The following PTGES3 variants were observed in gnomAD, a reference collection of about 807,000 sequenced individuals.
The protein encoded by PTGES3 is prostaglandin E synthase 3.
PTGES3 carries 5 observed loss-of-function variants against 29.9 expected under a neutral mutation model. The observed-to-expected ratio is 0.17, with a 90% CI of 0.09 to 0.35. The LOEUF is 0.35. PTGES3 is among the 10% of genes least tolerant of loss of function. The pLI is 1.00. For synonymous variants in PTGES3, 49 were observed against 57.8 expected, an observed-to-expected ratio of 0.85 and a Z score of 0.69; for missense variants, 128 against 190.0, an observed-to-expected ratio of 0.67 and a Z score of 1.92.
intron 1 of PTGES3, among the ~76,000 whole-genome samples, chr12:56,678,514 G>A (rs978097922): frequency 6.6e-6 from 1 of 152,196 alleles, no homozygotes; most frequent in African/African-American, 2.4e-5. Flanking sequence ...ATTGCACATA[G>A]TAAAACTATC....
At chr12:56,685,362 T>C (rs958332579) in intron 1 of PTGES3, among the ~76,000 whole-genome samples, 17 of 151,888 alleles carry the variant, frequency 1.1e-4, no homozygotes, top group Admixed American at 8.6e-4. Flanking sequence ...TCAAGTGGCA[T>C]TGAATCACTC....
rs1952973759 is a variant in PTGES3 at position 56,688,096 on chromosome 12, T to C, written c.-97A>G. ...ACTTCTCTCCGGTGGCGACTCCGCTTTTTCTCTCCGGTCGCGGCCTCTTCT... is the reference window on the plus strand; with the variant it reads ...ACTTCTCTCCGGTGGCGACTCCGCTCTTTCTCTCCGGTCGCGGCCTCTTCT... On this transcript the variant is annotated 5_prime_UTR_variant, in exon 1 of 8. Coordinates refer to ENST00000262033, the MANE Select transcript of PTGES3 (RefSeq NM_006601.7). The C allele has an allele frequency of 1.4e-6, 2 of 1,434,736 alleles. No homozygotes were observed. Among genetic ancestry groups the C allele is most frequent in the African/African-American group, 3.0e-5 (2 of 66,990 alleles). The allele number at this position is 1,434,736 out of a possible 1,614,324, so 88.9% of individuals were successfully genotyped here. A position where few individuals can be genotyped will look rare whatever the true frequency, so the allele number is the denominator to read the frequency against.
intron 1 of PTGES3, among the ~76,000 whole-genome samples, chr12:56,685,697 G>A (rs1442043679): frequency 6.6e-6 from 1 of 150,580 alleles, no homozygotes; most frequent in Non-Finnish European, 1.5e-5. Context: ...ACCCCGCCCG[G>A]CATGAAAGTA....
intron 5 of PTGES3, among the ~76,000 whole-genome samples, chr12:56,669,072 T>TGA (rs1951896767): frequency 1.4e-5 from 2 of 141,052 alleles, no homozygotes; most frequent in Admixed American, 8.1e-5. Context: ...TGCAGTGGTG[T>TGA]GATCTCGGCT....
At chr12:56,669,743 G>A (rs1187825055) in intron 5 of PTGES3, among the ~76,000 whole-genome samples, 1 of 151,980 alleles carries the variant, frequency 6.6e-6, no homozygotes, top group Non-Finnish European at 1.5e-5. Flanking sequence ...AGGAGTAGGT[G>A]GGACCACAGG....
At chr12:56,687,898 A>C in intron 1 of PTGES3, 100 bp downstream of exon 1, 1 of 1,594,534 alleles carries the variant, frequency 6.3e-7, no homozygotes, top group Non-Finnish European at 8.5e-7. Flanking sequence ...AACGACTGCC[A>C]CCACCGATGC....
chr12:56,674,410 G>A (rs1464524928), intron 1 of PTGES3, among the ~76,000 whole-genome samples: 2 of 152,162 alleles, frequency 1.3e-5, no homozygotes, highest in African/African-American at 2.4e-5. Flanking sequence ...AGCCTTAGCA[G>A]GCCAGGCGCG....
At chr12:56,667,844 A>G (rs1306822370) in intron 5 of PTGES3, among the ~76,000 whole-genome samples, 1 of 152,248 alleles carries the variant, frequency 6.6e-6, no homozygotes, top group Non-Finnish European at 1.5e-5. Flanking sequence ...CTGGTGACTC[A>G]TGCCTGTAAT....
chr12:56,683,977 A>G (rs569067521), intron 1 of PTGES3, among the ~76,000 whole-genome samples: 1 of 151,686 alleles, frequency 6.6e-6, no homozygotes, highest in Non-Finnish European at 1.5e-5. Context: ...AAAAACAAAA[A>G]AAACAAACAA....
chr12:56,669,029 A>G, intron 5 of PTGES3, among the ~76,000 whole-genome samples: 1 of 14,334 alleles, frequency 7.0e-5, no homozygotes, highest in Non-Finnish European at 1.3e-4. Context: ...TTTTTTTTGG[A>G]GACAGAGTCT....
chr12:56,688,119 T>C lies in PTGES3; in HGVS notation c.-120A>G. The C allele has an allele frequency of 7.1e-7, 1 of 1,415,084 alleles. No individual in the cohort carries two copies. Among genetic ancestry groups the C allele is most frequent in the South Asian group, 1.5e-5 (1 of 66,298 alleles). 87.7% of individuals were successfully genotyped at this position (1,415,084 alleles called of 1,614,324 possible). On this transcript the variant is annotated 5_prime_UTR_variant, in exon 1 of 8. Transcript: ENST00000262033. ...CTTTTTCTCTCCGGTCGCGGCCTCTTCTCGCTTCCCTCAGGCGACGGCGGC... is the reference window on the plus strand; with the variant it reads ...CTTTTTCTCTCCGGTCGCGGCCTCTCCTCGCTTCCCTCAGGCGACGGCGGC...
chr12:56,672,839 CCT>C (rs1952059668), intron 2 of PTGES3, 30 bp from the exon 3 acceptor site: 1 of 1,555,760 alleles, frequency 6.4e-7, no homozygotes, highest in African/African-American at 1.4e-5. Flanking sequence ...AAGAATTAAG[CCT>C]CTTCAAAGAG....
In PTGES3 at chr12:56,688,039, C is replaced by T; in HGVS notation, c.-40G>A. ...GGGGACGGGCGAACTGGTGGGCGGG[C>T]CTCTCTGGCGGCGGCTGCTGCTAGG... On this transcript the variant is annotated 5_prime_UTR_variant, in exon 1 of 8. Coordinates refer to ENST00000262033, the MANE Select transcript of PTGES3 (RefSeq NM_006601.7). 1 of 1,509,418 alleles carries T rather than the reference C, an allele frequency of 6.6e-7. No homozygotes were observed. The highest frequency in any genetic ancestry group is 8.9e-7 in the Non-Finnish European group (1 of 1,128,076). 93.5% of individuals were successfully genotyped at this position (1,509,418 alleles called of 1,614,324 possible). A position where few individuals can be genotyped will look rare whatever the true frequency, so the allele number is the denominator to read the frequency against.
intron 1 of PTGES3, among the ~76,000 whole-genome samples, chr12:56,680,828 G>C (rs1221522654): frequency 1.3e-5 from 2 of 151,078 alleles, no homozygotes; most frequent in African/African-American, 4.9e-5. Flanking sequence ...ATTCAGGCTG[G>C]AGTGCTGTGG....
chr12:56,679,776 G>A (rs143221279), intron 1 of PTGES3, among the ~76,000 whole-genome samples: 1 of 152,120 alleles, frequency 6.6e-6, no homozygotes, highest in Non-Finnish European at 1.5e-5. Flanking sequence ...CCAGGTTGAA[G>A]CAATTCTTCT....
intron 5 of PTGES3, among the ~76,000 whole-genome samples, chr12:56,666,816 G>A (rs754021909): frequency 1.8e-4 from 28 of 151,754 alleles, no homozygotes; most frequent in Non-Finnish European, 2.6e-4. Flanking sequence ...TGGTACACAC[G>A]GGGTTTCACC....
chr12:56,687,314 C>T (rs1244388293), intron 1 of PTGES3: 2 of 990,022 alleles, frequency 2.0e-6, no homozygotes, highest in Middle Eastern at 5.2e-4. Context: ...TGCGGAACTA[C>T]CTGCTCAATG....
At chr12:56,671,234 C>CA in intron 4 of PTGES3, among the ~76,000 whole-genome samples, 1 of 152,018 alleles carries the variant, frequency 6.6e-6, no homozygotes, top group Non-Finnish European at 1.5e-5. Flanking sequence ...CCCCTTTCTA[C>CA]AAAAAATACA....
At chr12:56,677,096 T>C (rs893259038) in intron 1 of PTGES3, among the ~76,000 whole-genome samples, 17 of 151,344 alleles carry the variant, frequency 1.1e-4, no homozygotes, top group African/African-American at 4.1e-4. Flanking sequence ...AAAAATTAGC[T>C]GGGCATGGTG....
Sources: allele counts gnomAD v4.1 joint callset (sites outside exome capture counted in the v4.1 genomes callset), GRCh38; gene constraint gnomAD v4.1.1; transcripts MANE v1.5; gene names NCBI Gene and HGNC (gene_info 2026-07-23, HGNC 2026-07-21).